COL13A1: variants seen among roughly 807,000 people sequenced by gnomAD.
The protein encoded by COL13A1 is collagen alpha-1(XIII) chain.
COL13A1 carries 89 observed loss-of-function variants against 130.9 expected under a neutral mutation model. That is an observed-to-expected ratio of 0.68 (90% CI 0.57 to 0.81). COL13A1 has a LOEUF of 0.81. Ranked by LOEUF, COL13A1 falls within the 30% of genes least tolerant of loss-of-function variation. COL13A1 has a pLI of 0.00. For synonymous variants in COL13A1, 402 were observed against 341.6 expected (o/e 1.18, Z -1.95); for missense variants, 879 against 934.6 (o/e 0.94, Z 0.78).
At chr10:69,940,128 G>A (rs540773952) in intron 34 of COL13A1, among the ~76,000 whole-genome samples, 2 of 151,732 alleles carry the variant, frequency 1.3e-5, no homozygotes, top group Non-Finnish European at 2.9e-5. Flanking sequence ...GGTTGGAACA[G>A]GAGTGCCACC....
At chr10:69,927,928 G>T (rs144734826) in intron 27 of COL13A1, among the ~76,000 whole-genome samples, 1 of 152,338 alleles carries the variant, frequency 6.6e-6, no homozygotes, top group African/African-American at 2.4e-5. Context: ...GAGACACTGA[G>T]GTGGGCAGAT....
intron 27 of COL13A1, among the ~76,000 whole-genome samples, chr10:69,927,549 A>C (rs2065534654): frequency 6.6e-6 from 1 of 152,176 alleles, no homozygotes; most frequent in South Asian, 2.1e-4. Context: ...CATTATCTGC[A>C]CTTGGAAAAC....
chr10:69,866,911 C>T (rs142425311), intron 2 of COL13A1, among the ~76,000 whole-genome samples: 8 of 152,256 alleles, frequency 5.3e-5, no homozygotes, highest in Admixed American at 2.6e-4. Context: ...CACTAGGGGC[C>T]GGGCAGACAC....
chr10:69,828,298 T>A (rs1847999399), intron 2 of COL13A1, among the ~76,000 whole-genome samples: 1 of 151,992 alleles, frequency 6.6e-6, no homozygotes, highest in Non-Finnish European at 1.5e-5. Context: ...TCCTCCTGAC[T>A]TTGCAGCCCC....
intron 2 of COL13A1, among the ~76,000 whole-genome samples, chr10:69,833,850 C>T (rs1375249639): frequency 2.0e-5 from 3 of 152,084 alleles, no homozygotes; most frequent in Admixed American, 2.0e-4. Flanking sequence ...GGAGGTACGG[C>T]TGGAAAGAAA....
chr10:69,805,440 G>A (rs1363066198), intron 1 of COL13A1, among the ~76,000 whole-genome samples: 2 of 152,182 alleles, frequency 1.3e-5, no homozygotes, highest in African/African-American at 4.8e-5. Flanking sequence ...TGGGGGCCTT[G>A]TCTGTGCTCC....
intron 2 of COL13A1, among the ~76,000 whole-genome samples, chr10:69,827,169 G>A (rs1418897447): frequency 6.6e-6 from 1 of 152,226 alleles, no homozygotes; most frequent in Non-Finnish European, 1.5e-5. Flanking sequence ...GCAAGAAAAA[G>A]GCAGTAAGTT....
At chr10:69,840,750 T>C in intron 2 of COL13A1, among the ~76,000 whole-genome samples, 1 of 152,074 alleles carries the variant, frequency 6.6e-6, no homozygotes, top group South Asian at 2.1e-4. Context: ...TGAGGGGCCC[T>C]CAAAGGCCCC....
intron 7 of COL13A1, among the ~76,000 whole-genome samples, chr10:69,883,984 T>C (rs2060378021): frequency 6.6e-6 from 1 of 152,120 alleles, no homozygotes; most frequent in Admixed American, 6.5e-5. Context: ...GATTTCGTGA[T>C]GATAAAAAAT....
chr10:69,895,462 G>C (rs2061542999), intron 12 of COL13A1, 88 bp from the exon 13 acceptor site: 3 of 1,384,906 alleles, frequency 2.2e-6, no homozygotes, highest in South Asian at 1.2e-5. Flanking sequence ...GACATGTGTG[G>C]CATGTCCTGA....
At chr10:69,850,905 G>C (rs1854597403) in intron 2 of COL13A1, among the ~76,000 whole-genome samples, 1 of 152,240 alleles carries the variant, frequency 6.6e-6, no homozygotes, top group South Asian at 2.1e-4. Context: ...CTTTAGCCAA[G>C]GCACTCCTGC....
At chr10:69,881,534 C>T (rs774008777) in intron 7 of COL13A1, among the ~76,000 whole-genome samples, 1 of 152,126 alleles carries the variant, frequency 6.6e-6, no homozygotes, top group Non-Finnish European at 1.5e-5. Context: ...AGATGAACAG[C>T]CAAGCGAGGG....
At chr10:69,922,043 CT>C in intron 22 of COL13A1, 108 bp downstream of exon 22, 1 of 1,372,534 alleles carries the variant, frequency 7.3e-7, no homozygotes, top group East Asian at 2.6e-5. Flanking sequence ...GTCTCCCAGA[CT>C]GCAGGAAAGG....
chr10:69,935,446 A>G, intron 32 of COL13A1, 55 bp downstream of exon 32: 1 of 1,343,706 alleles, frequency 7.4e-7, no homozygotes, highest in Non-Finnish European at 1.0e-6. Context: ...TCTCCACAGC[A>G]GTCACTGGGC....
chr10:69,946,979 G>A (rs2068650213), intron 37 of COL13A1, among the ~76,000 whole-genome samples: 1 of 152,018 alleles, frequency 6.6e-6, no homozygotes, highest in Admixed American at 6.6e-5. Flanking sequence ...TCATAGAGAC[G>A]GGCTTTCACC....
At chr10:69,897,601 T>C in intron 13 of COL13A1, 2 of 1,545,504 alleles carry the variant, frequency 1.3e-6, no homozygotes, top group South Asian at 2.3e-5. Flanking sequence ...AGCCCAACAT[T>C]GCACATCCCC....
intron 7 of COL13A1, among the ~76,000 whole-genome samples, chr10:69,884,858 G>C (rs2060466181): frequency 6.6e-6 from 1 of 152,142 alleles, no homozygotes; most frequent in South Asian, 2.1e-4. Context: ...GAATGGGGAG[G>C]CCAGGAATAA....
chr10:69,866,752 T>C (rs921598951), intron 2 of COL13A1, among the ~76,000 whole-genome samples: 3 of 152,050 alleles, frequency 2.0e-5, no homozygotes, highest in African/African-American at 7.2e-5. Context: ...TCCTCCTGGA[T>C]GGTGACCAGG....
chr10:69,843,142 T>TGA (rs1220123938), intron 2 of COL13A1, among the ~76,000 whole-genome samples: 1 of 151,906 alleles, frequency 6.6e-6, no homozygotes, highest in Non-Finnish European at 1.5e-5. Context: ...CCCAGAGAGG[T>TGA]GAGATTCTCA....
Sources: gnomAD v4.1 joint callset for allele counts (sites outside exome capture counted in the v4.1 genomes callset) on GRCh38, gnomAD v4.1.1 for gene constraint, MANE v1.5 for transcripts, NCBI Gene and HGNC (gene_info 2026-07-23, HGNC 2026-07-21) for gene names.